The following MEGF8 variants were observed in gnomAD, a reference collection of about 807,000 sequenced individuals.
MEGF8 encodes the protein multiple epidermal growth factor-like domains protein 8.
Under a neutral mutation model 302.9 loss-of-function variants are expected in MEGF8, and 156 were observed. The observed-to-expected ratio is 0.52, with a 90% CI of 0.45 to 0.59. The LOEUF (loss-of-function observed/expected upper bound fraction) is 0.59. Among genes scored for constraint, MEGF8 ranks in the 20% least tolerant of loss-of-function variants. The pLI, the probability that MEGF8 is intolerant of heterozygous loss-of-function variation, is 0.00. For missense variants in MEGF8, 3,345 were observed against 3,964.5 expected, an observed-to-expected ratio of 0.84 and a Z score of 4.20; for synonymous variants, 1,621 against 1,660.5, an observed-to-expected ratio of 0.98 and a Z score of 0.58.
Position 42,335,088 on chromosome 19 carries a change from G to T in MEGF8, c.612G>T (p.Leu204=). ...EPGFLGRACD[L]HLWENQGAGW... ...GCTTCTTGGGACGTGCCTGTGACCT[G>T]CACCTGTGGGAGAACCAGGGGGCTG... Residue 204 remains leucine (L), a synonymous_variant, in exon 4 of 42, where the codon CTG becomes CTT. Transcript: ENST00000251268. The T allele has an allele frequency of 6.2e-7, 1 of 1,613,908 alleles. No homozygotes were observed. The highest frequency in any genetic ancestry group is 8.5e-7 in the Non-Finnish European group (1 of 1,179,882).
rs2039133433 is a variant in MEGF8, at chr19:42,336,757, G to T, written c.1245-50G>T. 1 of 1,528,306 alleles carries T rather than the reference G, an allele frequency of 6.5e-7. No homozygotes were observed. The highest frequency in any genetic ancestry group is 8.8e-7 in the Non-Finnish European group (1 of 1,139,578). 94.7% of individuals were successfully genotyped at this position (1,528,306 alleles called of 1,614,324 possible). ...ATGGCTCCTAAGAGCCTGGAGGAGG[G>T]AGAGAGACGCTTCCTGCCCTGAGCC... On this transcript the variant is annotated intron_variant, in intron 6 of 41. Coordinates refer to ENST00000251268, the MANE Select transcript of MEGF8 (RefSeq NM_001271938.2). This position sits in a 1 kb window ranked among gnomAD's most constrained non-coding sequence, Gnocchi z 4.8.
chr19:42,336,211 G>A lies in MEGF8; in HGVS notation c.1109G>A (p.Ser370Asn), dbSNP rs757618177. The change falls in exon 6 of 42, where the codon AGC (serine) becomes AAC (asparagine). Residue 370 changes from serine (S) to asparagine (N), a missense_variant. Transcript: ENST00000251268. This position sits in a 1 kb window ranked among gnomAD's most constrained non-coding sequence, Gnocchi z 4.8. ...SSGLFRFRLD[S>N]TSGGYWEQVI... ...GGCCTCTTCCGTTTCCGCCTTGACA[G>A]CACCAGCGGGGGCTATTGGGAGCAG... 7 of 1,609,822 alleles carry A rather than the reference G, an allele frequency of 4.3e-6. No homozygotes were observed. In the East Asian group the frequency reaches 6.7e-5, roughly 15 times the overall value.
chr19:42,344,139 C>T lies in MEGF8; in HGVS notation c.1788+66C>T, dbSNP rs2039253710. 1.9e-6 allele frequency: 3 copies of T among 1,556,864 alleles called. No individual in the cohort carries two copies. On this transcript the variant is annotated intron_variant, in intron 10 of 41. Transcript: ENST00000251268. This position sits in a 1 kb window ranked among gnomAD's most constrained non-coding sequence, Gnocchi z 4.5. ...ACCTGCCCTCAGTGTCTCCCTCTGCCTAACCAGATGGACAAGAACTTTCCC... is the reference window on the plus strand; with the variant it reads ...ACCTGCCCTCAGTGTCTCCCTCTGCTTAACCAGATGGACAAGAACTTTCCC...
rs201294981 is a variant in MEGF8, at chr19:42,356,400, G to A, written c.4569G>A (p.Leu1523=). The change falls in exon 26 of 42, where the codon TTG becomes TTA. Residue 1523 remains leucine (L), a synonymous_variant. Coordinates refer to ENST00000251268, the MANE Select transcript of MEGF8 (RefSeq NM_001271938.2). This position sits in a 1 kb window ranked among gnomAD's most constrained non-coding sequence, Gnocchi z 5.2. ...HTMVDGPDAT[L]WMFGGLGLPQ... ...TGGTGGATGGACCCGATGCCACCTT[G>A]TGGATGTTTGGGGGCCTGGGCCTGC... The A allele has an allele frequency of 4.3e-5, 69 of 1,612,716 alleles. No homozygotes were observed. The East Asian group carries it at 1.5e-3, about 35-fold the overall frequency.
rs1279621105 is a variant in MEGF8, at chr19:42,344,698, C to T, written c.1962C>T (p.Ile654=). The T allele has an allele frequency of 2.5e-6, 4 of 1,602,496 alleles. No individual in the cohort carries two copies. The African/African-American group carries it at 5.4e-5, about 21-fold the overall frequency. ...PEQARCRGEQ[I]SGTVGWWGPA... ...AGGCCCGCTGCCGAGGGGAGCAGAT[C>T]TCAGGCACTGTGGGCTGGTGGGGGC... The change falls in exon 12 of 42, where the codon ATC becomes ATT. Residue 654 remains isoleucine (I), a synonymous_variant. Transcript: ENST00000251268. The surrounding 1 kb of genome is among the most constrained non-coding windows in gnomAD (Gnocchi z 4.5).
At position 42,354,124 on chromosome 19, in the gene MEGF8, T is replaced by A. The variant is rs2039418122; in HGVS notation, c.4011+100T>A. The A allele has an allele frequency of 7.2e-7, 1 of 1,388,858 alleles. No homozygotes were observed. Among genetic ancestry groups the A allele is most frequent in the African/African-American group, 1.5e-5 (1 of 68,662 alleles). The allele number at this position is 1,388,858 out of a possible 1,614,324, so 86.0% of individuals were successfully genotyped here. ...CCCTGACCCTAGTATTGCTGTTTTT[T>A]TTTTTTTGTTTTTTTAATCCTTCAA... On this transcript the variant is annotated intron_variant, in intron 22 of 41. Transcript: ENST00000251268. This position sits in a 1 kb window ranked among gnomAD's most constrained non-coding sequence, Gnocchi z 4.3.
intron 5 of MEGF8, 70 bp downstream of exon 5, chr19:42,335,455 G>A: frequency 7.1e-7 from 1 of 1,414,044 alleles, no homozygotes; most frequent in East Asian, 2.3e-5. Context: ...CCCCCGGAAT[G>A]ATCCCCTATC....
Position 42,375,650 on chromosome 19 carries a change from C to T in MEGF8, c.7413C>T (p.Gly2471=). 1 of 1,609,780 alleles carries T rather than the reference C, an allele frequency of 6.2e-7. No homozygotes were observed. Among genetic ancestry groups the T allele is most frequent in the Non-Finnish European group, 8.5e-7 (1 of 1,178,628 alleles). ...ATGAGCCCAAACGCCGGGCGCTAGG[C>T]CCCGGCCGCACTGTCCTCTTTGGCG... ...CFHEPKRRAL[G]PGRTVLFGVQ... The change falls in exon 42 of 42, where the codon GGC becomes GGT. Residue 2471 remains glycine (G), a synonymous_variant. Transcript: ENST00000251268. The surrounding 1 kb of genome is among the most constrained non-coding windows in gnomAD (Gnocchi z 7.1).
Position 42,354,204 on chromosome 19 carries a change from C to A in MEGF8, c.4011+180C>A, listed in dbSNP as rs1353305888. On this transcript the variant is annotated intron_variant, in intron 22 of 41. Transcript: ENST00000251268. This position sits in a 1 kb window ranked among gnomAD's most constrained non-coding sequence, Gnocchi z 4.3. ...CTTTGTTCCTAGGCCCACAGACAGA[C>A]CCCCCCATTTCCCAGATAGCTTCCT... 6.8e-6 allele frequency among the ~76,000 whole-genome samples: 1 copy of A among 148,090 alleles called. No homozygotes were observed. Among genetic ancestry groups the A allele is most frequent in the Non-Finnish European group, 1.5e-5 (1 of 67,758 alleles).
rs2039670890 is a variant in MEGF8 at position 42,370,539 on chromosome 19, A to G, written c.7006-162A>G. ...GTCTTGAACTCCTGGGTCTGAGGGA[A>G]GAGGAGCTGGGGCCTGGACTCCTGG... On this transcript the variant is annotated intron_variant, in intron 39 of 41. Coordinates refer to ENST00000251268, the MANE Select transcript of MEGF8 (RefSeq NM_001271938.2). 7.3e-6 allele frequency: 6 copies of G among 816,410 alleles called. No homozygotes were observed. In the Admixed American group the frequency reaches 1.3e-4, roughly 17 times the overall value. 50.6% of individuals were successfully genotyped at this position (816,410 alleles called of 1,614,324 possible).
At position 42,351,084 on chromosome 19, in the gene MEGF8, C is replaced by G. The variant is rs564291067; in HGVS notation, c.2737-132C>G. ...GTGGTCGAAGGGAGGGGTCCAGAGA[C>G]GCAGGCAGCTGGGGAGGGAGATGGC... On this transcript the variant is annotated intron_variant, in intron 15 of 41. Coordinates refer to ENST00000251268, the MANE Select transcript of MEGF8 (RefSeq NM_001271938.2). This position sits in a 1 kb window ranked among gnomAD's most constrained non-coding sequence, Gnocchi z 5.6. 2 of 790,552 alleles carry G rather than the reference C, an allele frequency of 2.5e-6. No individual in the cohort carries two copies. Among genetic ancestry groups the G allele is most frequent in the African/African-American group, 1.8e-5 (1 of 57,014 alleles). The allele number at this position is 790,552 out of a possible 1,614,324, so 49.0% of individuals were successfully genotyped here. A position where few individuals can be genotyped will look rare whatever the true frequency, so the allele number is the denominator to read the frequency against.
At chr19:42,346,325 T>C (rs1482664779) in intron 12 of MEGF8, among the ~76,000 whole-genome samples, 3 of 149,594 alleles carry the variant, frequency 2.0e-5, no homozygotes, top group African/African-American at 7.4e-5. Flanking sequence ...GCGGATCTCT[T>C]GAGGTCAGGA....
Position 42,336,081 on chromosome 19 carries a change from A to T in MEGF8, c.979A>T (p.Ser327Cys). ...HWELLAPPAS[S>C]SSGPPGLAGH... Reference sequence around the variant, plus strand: ...GGAGCTCCTGGCACCACCTGCCTCCAGCTCCTCGGGGCCCCCAGGCCTGGC... The same window carrying T: ...GGAGCTCCTGGCACCACCTGCCTCCTGCTCCTCGGGGCCCCCAGGCCTGGC... Residue 327 changes from serine to cysteine, a missense_variant, in exon 6 of 42, where the codon AGC becomes TGC. Transcript: ENST00000251268. The surrounding 1 kb of genome is among the most constrained non-coding windows in gnomAD (Gnocchi z 4.8). 6.3e-7 allele frequency: 1 copy of T among 1,599,476 alleles called. No homozygotes were observed. Among genetic ancestry groups the T allele is most frequent in the African/African-American group, 1.3e-5 (1 of 74,954 alleles).
intron 1 of MEGF8, among the ~76,000 whole-genome samples, chr19:42,332,949 A>G (rs893281783): frequency 2.6e-5 from 4 of 152,222 alleles, no homozygotes; most frequent in African/African-American, 9.7e-5. Flanking sequence ...TACTTGGCCA[A>G]GATCACACAG....
In MEGF8 at chr19:42,351,472, G is replaced by A. The variant is rs143160271; in HGVS notation, c.2899G>A (p.Ala967Thr). Residue 967 changes from alanine to threonine, a missense_variant, in exon 17 of 42, where the codon GCC (alanine) becomes ACC (threonine). Transcript: ENST00000251268. The surrounding 1 kb of genome is among the most constrained non-coding windows in gnomAD (Gnocchi z 5.6). ...EDCLANSSQCAWCQSTHTCFL... is the reference protein window; with the variant it reads ...EDCLANSSQCTWCQSTHTCFL... Reference sequence around the variant, plus strand: ...CTGCCTGGCCAACTCTAGCCAGTGCGCCTGGTGCCAGTCCACCCACACCTG... The same window carrying A: ...CTGCCTGGCCAACTCTAGCCAGTGCACCTGGTGCCAGTCCACCCACACCTG... 8.1e-6 allele frequency: 13 copies of A among 1,602,372 alleles called. No individual in the cohort carries two copies. The highest frequency in any genetic ancestry group is 5.4e-5 in the African/African-American group (4 of 74,712).
At chr19:42,335,536 C>T (rs1364727647) in intron 5 of MEGF8, among the ~76,000 whole-genome samples, 151 bp downstream of exon 5, 6 of 152,164 alleles carry the variant, frequency 3.9e-5, no homozygotes, top group Non-Finnish European at 8.8e-5. Context: ...CTTTTCTCTC[C>T]GGTTTTCTTT....
In MEGF8 at chr19:42,353,035, G is replaced by T. The variant is rs1178701470; in HGVS notation, c.3458G>T (p.Gly1153Val). Residue 1153 changes from glycine (G) to valine (V), a missense_variant, in exon 20 of 42, where the codon GGT (glycine) becomes GTT (valine). Transcript: ENST00000251268. The surrounding 1 kb of genome is among the most constrained non-coding windows in gnomAD (Gnocchi z 6.1). ...CTGCCCCCTCCCACACCCGCCCCGG[G>T]TCCGCCAGCCCCCCGCTGCTCCCGG... ...SDLPPPTPAP[G>V]PPAPRCSRDC... 1 of 1,555,650 alleles carries T rather than the reference G, an allele frequency of 6.4e-7. No individual in the cohort carries two copies. Among genetic ancestry groups the T allele is most frequent in the African/African-American group, 1.4e-5 (1 of 73,198 alleles).
In MEGF8 at chr19:42,353,347, GGCCTTGGTTTCTCACCTTT is replaced by G; in HGVS notation, c.3551-116_3551-98del. ...GGGACTTGCTGTTTCCCCTGATCTG[GGCCTTGGTTTCTCACCTTT>G]GAAGCGGCTGGGTGGGGTCAGGGTT... On this transcript the variant is annotated intron_variant, in intron 20 of 41. Coordinates refer to ENST00000251268, the MANE Select transcript of MEGF8 (RefSeq NM_001271938.2). This position sits in a 1 kb window ranked among gnomAD's most constrained non-coding sequence, Gnocchi z 6.1. 7.3e-6 allele frequency: 9 copies of G among 1,241,346 alleles called. No homozygotes were observed. The South Asian group carries it at 1.3e-4, about 18-fold the overall frequency. The allele number at this position is 1,241,346 out of a possible 1,614,324, so 76.9% of individuals were successfully genotyped here.
At chr19:42,373,456 A>G (rs1441933695) in intron 41 of MEGF8, among the ~76,000 whole-genome samples, 1 of 151,996 alleles carries the variant, frequency 6.6e-6, no homozygotes, top group Non-Finnish European at 1.5e-5. Flanking sequence ...GCTAGAGTGC[A>G]GTGGTGCAAT....
Sources: allele counts gnomAD v4.1 joint callset (sites outside exome capture counted in the v4.1 genomes callset), GRCh38; gene constraint gnomAD v4.1.1; non-coding constraint Gnocchi (gnomAD v3.1); transcripts MANE v1.5; gene names NCBI Gene and HGNC (gene_info 2026-07-23, HGNC 2026-07-21).